The following ITSN2 variants were observed in gnomAD, a reference collection of about 807,000 sequenced individuals.
ITSN2 encodes intersectin-2.
A neutral mutation model predicts 243.7 loss-of-function variants in ITSN2; 156 were observed. The observed-to-expected ratio is 0.64, with a 90% CI of 0.56 to 0.73. The LOEUF is 0.73. Among genes scored for constraint, ITSN2 ranks in the 30% least tolerant of loss-of-function variants. ITSN2 has a pLI of 0.00. For synonymous variants in ITSN2, 703 were observed against 699.9 expected, an observed-to-expected ratio of 1.00 and a Z score of -0.07; for missense variants, 1,801 against 1,996.1, an observed-to-expected ratio of 0.90 and a Z score of 1.86.
intron 29 of ITSN2, among the ~76,000 whole-genome samples, chr2:24,221,975 G>GCA: frequency 6.6e-6 from 1 of 152,354 alleles, no homozygotes; most frequent in Admixed American, 6.5e-5. Flanking sequence ...AGCCGGGCAT[G>GCA]GTGGCTCACA....
chr2:24,258,192 G>A, intron 22 of ITSN2, 99 bp from the exon 23 acceptor site: 1 of 812,448 alleles, frequency 1.2e-6, no homozygotes. Flanking sequence ...CAGCAGACCA[G>A]TTTTGTGTCG....
At chr2:24,279,486 G>A (rs966086025) in intron 17 of ITSN2, among the ~76,000 whole-genome samples, 4 of 152,090 alleles carry the variant, frequency 2.6e-5, no homozygotes, top group Non-Finnish European at 4.4e-5. Context: ...TTGTATATTC[G>A]TATATAAGAG....
chr2:24,271,913 A>G lies in ITSN2; in HGVS notation c.2110T>C (p.Trp704Arg), dbSNP rs746798833. Reference sequence around the variant, plus strand: ...TCCTCCTTTCTAAGATTTTCTTTCCATAAGTTTTCTTTTCCTTGCTTTGCT... The same window carrying G: ...TCCTCCTTTCTAAGATTTTCTTTCCGTAAGTTTTCTTTTCCTTGCTTTGCT... Reference protein sequence around the residue: ...RKAKQGKENLWKENLRKEEEE... With the variant: ...RKAKQGKENLRKENLRKEEEE... Residue 704 changes from tryptophan (W) to arginine (R), a missense_variant, in exon 19 of 40, where the codon TGG becomes CGG. Trp to Arg is a moderately radical substitution (Grantham distance 101). Transcript: ENST00000355123. 13 of 1,580,132 alleles carry G rather than the reference A, an allele frequency of 8.2e-6. No homozygotes were observed. The highest frequency in any genetic ancestry group is 2.2e-5 in the East Asian group (1 of 44,576).
intron 35 of ITSN2, 41 bp from the exon 36 acceptor site, chr2:24,209,262 T>C: frequency 6.2e-7 from 1 of 1,604,966 alleles, no homozygotes; most frequent in Non-Finnish European, 8.5e-7. Context: ...TGAGATGGGC[T>C]AGAACACTCC....
At chr2:24,228,418 C>T (rs1044370733) in intron 29 of ITSN2, among the ~76,000 whole-genome samples, 4 of 152,096 alleles carry the variant, frequency 2.6e-5, no homozygotes, top group African/African-American at 9.7e-5. Flanking sequence ...AGCCAAAATA[C>T]TAGTAAATGT....
At chr2:24,356,364 A>ACT (rs1688449208) in intron 1 of ITSN2, among the ~76,000 whole-genome samples, 1 of 148,470 alleles carries the variant, frequency 6.7e-6, no homozygotes, top group African/African-American at 2.5e-5. Context: ...AAAAAAAAAG[A>ACT]AAGAAAAAAA....
intron 17 of ITSN2, among the ~76,000 whole-genome samples, chr2:24,283,462 G>A (rs1679087044): frequency 6.6e-6 from 1 of 152,152 alleles, no homozygotes; most frequent in Non-Finnish European, 1.5e-5. Flanking sequence ...CTGACCTCAG[G>A]TGATCCGCCC....
intron 10 of ITSN2, among the ~76,000 whole-genome samples, chr2:24,301,671 G>A (rs1384517357): frequency 5.9e-5 from 9 of 151,714 alleles, no homozygotes; most frequent in African/African-American, 1.2e-4. Flanking sequence ...GACTACAGGC[G>A]CACACCACCA....
At chr2:24,267,245 G>A (rs1676766169) in intron 20 of ITSN2, among the ~76,000 whole-genome samples, 1 of 151,976 alleles carries the variant, frequency 6.6e-6, no homozygotes, top group African/African-American at 2.4e-5. Context: ...AGGGGGTGGG[G>A]GACTAGGGGA....
intron 17 of ITSN2, among the ~76,000 whole-genome samples, chr2:24,280,564 C>A (rs1678643689): frequency 6.6e-6 from 1 of 152,196 alleles, no homozygotes; most frequent in African/African-American, 2.4e-5. Context: ...CCTCCGGATA[C>A]TACTTTTCTG....
intron 1 of ITSN2, among the ~76,000 whole-genome samples, chr2:24,351,819 TA>T (rs1438009882): frequency 3.9e-5 from 6 of 152,274 alleles, no homozygotes; most frequent in African/African-American, 1.4e-4. Flanking sequence ...TGTGTTCAAG[TA>T]ACCCTTATTT....
At chr2:24,252,602 A>G in intron 24 of ITSN2, 91 bp from the exon 25 acceptor site, 1 of 901,284 alleles carries the variant, frequency 1.1e-6, no homozygotes, top group Middle Eastern at 2.3e-4. Context: ...ACATTGTATA[A>G]GTTTGCTGTA....
chr2:24,235,478 C>T (rs1242888516), intron 29 of ITSN2, among the ~76,000 whole-genome samples: 1 of 152,106 alleles, frequency 6.6e-6, no homozygotes, highest in African/African-American at 2.4e-5. Flanking sequence ...ATGTAAACTA[C>T]AGACTTTGAT....
At chr2:24,226,141 G>C (rs1309866397) in intron 29 of ITSN2, among the ~76,000 whole-genome samples, 1 of 152,228 alleles carries the variant, frequency 6.6e-6, no homozygotes, top group Non-Finnish European at 1.5e-5. Flanking sequence ...GCTGAGCACA[G>C]CGTGTTGGCT....
intron 23 of ITSN2, among the ~76,000 whole-genome samples, chr2:24,257,487 C>T (rs1214005394): frequency 6.6e-6 from 1 of 150,932 alleles, no homozygotes; most frequent in Non-Finnish European, 1.5e-5. Context: ...TACGGGGTAT[C>T]ACTCTGTCAC....
In ITSN2 at chr2:24,286,353, T is replaced by C; in HGVS notation, c.1724-2A>G. ...TATGAAGTAAACTGACCCCTGAATC[T>C]GAAAAACAAACATCAGACAGTTTAC... On this transcript the variant is annotated splice_acceptor_variant, in intron 15 of 39. Transcript: ENST00000355123. LOFTEE classifies it high-confidence loss of function. 1 of 1,609,500 alleles carries C rather than the reference T, an allele frequency of 6.2e-7. No homozygotes were observed. The highest frequency in any genetic ancestry group is 8.5e-7 in the Non-Finnish European group (1 of 1,177,638).
intron 1 of ITSN2, among the ~76,000 whole-genome samples, chr2:24,340,778 T>C (rs1686973181): frequency 6.6e-6 from 1 of 152,146 alleles, no homozygotes. Flanking sequence ...ACATATAGTA[T>C]ATGTTCTAGT....
rs1670905701 is a variant in ITSN2 at position 24,225,191 on chromosome 2, T to C, written c.3578-4125A>G. On this transcript the variant is annotated intron_variant, in intron 29 of 39. Coordinates refer to ENST00000355123, the MANE Select transcript of ITSN2 (RefSeq NM_006277.3). The surrounding 1 kb of genome is among the most constrained non-coding windows in gnomAD (Gnocchi z 4.2). ...ACGCTTCTATGTTCACTCTTCGCCA[T>C]TTCCTTCTTAGCCCATAAACATTGC... is the stretch of plus-strand genomic sequence containing the variant. Among the ~76,000 whole-genome samples the C allele has an allele frequency of 6.6e-6, 1 of 152,102 alleles. No homozygotes were observed. Among genetic ancestry groups the C allele is most frequent in the African/African-American group, 2.4e-5 (1 of 41,404 alleles).
At chr2:24,282,936 C>T (rs537502573) in intron 17 of ITSN2, among the ~76,000 whole-genome samples, 6 of 152,046 alleles carry the variant, frequency 3.9e-5, no homozygotes, top group Non-Finnish European at 7.4e-5. Context: ...CCATCAATTA[C>T]CACAATCTCA....
Sources: gnomAD v4.1 joint callset for allele counts (sites outside exome capture counted in the v4.1 genomes callset) on GRCh38, gnomAD v4.1.1 for gene constraint, Gnocchi (gnomAD v3.1) non-coding constraint, MANE v1.5 for transcripts, NCBI Gene and HGNC (gene_info 2026-07-23, HGNC 2026-07-21) for gene names.